The following SUCLG2 variants were observed in gnomAD, a reference collection of about 807,000 sequenced individuals.
SUCLG2 encodes the protein succinate-CoA ligase GDP-forming subunit beta.
A neutral mutation model predicts 47.9 loss-of-function variants in SUCLG2; 42 were observed. The observed-to-expected ratio is 0.88, with a 90% CI of 0.69 to 1.14. The LOEUF (loss-of-function observed/expected upper bound fraction) is 1.14. Ranked by LOEUF, SUCLG2 falls within the 50% of genes most tolerant of loss-of-function variation. SUCLG2 has a pLI of 0.00. For missense variants in SUCLG2, 571 were observed against 525.9 expected (o/e 1.09, Z -0.84); for synonymous variants, 195 against 197.3 (o/e 0.99, Z 0.10).
chr3:67,385,642 G>C (rs571013880), intron 10 of SUCLG2, among the ~76,000 whole-genome samples: 1 of 152,366 alleles, frequency 6.6e-6, no homozygotes, highest in South Asian at 2.1e-4. Flanking sequence ...CTGAAGTCTA[G>C]TGGAGCCTGT....
intron 1 of SUCLG2, among the ~76,000 whole-genome samples, chr3:67,643,805 T>C (rs1340242904): frequency 6.6e-6 from 1 of 152,212 alleles, no homozygotes; most frequent in African/African-American, 2.4e-5. Flanking sequence ...GCCTCCCAAG[T>C]AGCTGGAATT....
chr3:67,580,664 G>T (rs1293308031), intron 2 of SUCLG2, among the ~76,000 whole-genome samples: 1 of 152,036 alleles, frequency 6.6e-6, no homozygotes, highest in Non-Finnish European at 1.5e-5. Flanking sequence ...CTACTTCCAG[G>T]GTGCGAACGT....
intron 9 of SUCLG2, among the ~76,000 whole-genome samples, chr3:67,431,244 G>C (rs1369886620): frequency 3.3e-5 from 5 of 152,150 alleles, no homozygotes; most frequent in Admixed American, 6.5e-5. Flanking sequence ...ACATCAAAAA[G>C]TTTATCCACC....
intron 2 of SUCLG2, among the ~76,000 whole-genome samples, chr3:67,593,715 G>A (rs1708228114): frequency 6.6e-6 from 1 of 152,160 alleles, no homozygotes; most frequent in African/African-American, 2.4e-5. Context: ...CTCAGCTTTA[G>A]CACTGAAAGT....
rs747631027 is a variant in SUCLG2 at position 67,400,729 on chromosome 3, A to C, written c.1183+2T>G. The C allele has an allele frequency of 1.2e-6, 2 of 1,611,032 alleles. No homozygotes were observed. Among genetic ancestry groups the C allele is most frequent in the African/African-American group, 2.7e-5 (2 of 74,708 alleles). ...GCACAGCGGAAATCTACCATGACTC[A>C]CCTTCAAGCCGGACCACCAGGGGCA... On this transcript the variant is annotated splice_donor_variant, in intron 10 of 10. Coordinates refer to ENST00000307227, the MANE Select transcript of SUCLG2 (RefSeq NM_003848.4). LOFTEE classifies it high-confidence loss of function.
At chr3:67,504,350 A>G (rs1318493490) in intron 7 of SUCLG2, among the ~76,000 whole-genome samples, 1 of 152,234 alleles carries the variant, frequency 6.6e-6, no homozygotes, top group Admixed American at 6.5e-5. Flanking sequence ...CAACATGGGC[A>G]CTTGCTAACA....
At chr3:67,458,526 A>C (rs1305238156) in intron 9 of SUCLG2, among the ~76,000 whole-genome samples, 1 of 152,176 alleles carries the variant, frequency 6.6e-6, no homozygotes, top group East Asian at 1.9e-4. Flanking sequence ...TCATCTCTAA[A>C]GTAAAGAGAG....
intron 2 of SUCLG2, among the ~76,000 whole-genome samples, chr3:67,545,629 T>C (rs1706842894): frequency 6.6e-6 from 1 of 152,180 alleles, no homozygotes. Context: ...CTTTCAAGGG[T>C]TGTGAAGGCC....
intron 2 of SUCLG2, among the ~76,000 whole-genome samples, chr3:67,602,230 A>C (rs1708436084): frequency 1.3e-5 from 2 of 152,210 alleles, no homozygotes; most frequent in Admixed American, 1.3e-4. Context: ...GTAAAGGCCC[A>C]AAGCTTAAAC....
intron 3 of SUCLG2, 62 bp downstream of exon 3, chr3:67,529,025 T>C (rs1003698656): frequency 1.0e-5 from 15 of 1,455,060 alleles, no homozygotes; most frequent in African/African-American, 1.4e-5. Context: ...CCTTTCAATC[T>C]TGAGCAAGAT....
chr3:67,392,531 T>G (rs17046411), intron 10 of SUCLG2, among the ~76,000 whole-genome samples: 409 of 152,284 alleles, frequency 2.7e-3, no homozygotes, highest in African/African-American at 9.2e-3. Flanking sequence ...ATTTGGCCCT[T>G]TGGGTTTTCA....
intron 7 of SUCLG2, among the ~76,000 whole-genome samples, chr3:67,505,536 A>G (rs1032765202): frequency 1.3e-5 from 2 of 152,242 alleles, no homozygotes; most frequent in African/African-American, 4.8e-5. Context: ...ACTTAGCAGC[A>G]TAGATGTTAT....
At chr3:67,451,400 A>C (rs1198748858) in intron 9 of SUCLG2, among the ~76,000 whole-genome samples, 2 of 152,250 alleles carry the variant, frequency 1.3e-5, no homozygotes, top group Non-Finnish European at 2.9e-5. Context: ...AGTAAGTCTT[A>C]AGACAACCAA....
At chr3:67,446,933 C>T (rs7635366) in intron 9 of SUCLG2, among the ~76,000 whole-genome samples, 73,585 of 151,866 alleles carry the variant, frequency 0.48, 18,245 homozygotes, top group Non-Finnish European at 0.55. Context: ...TAATAAGATG[C>T]AAATTTTTAA....
At chr3:67,411,221 A>C (rs1702925587) in intron 9 of SUCLG2, among the ~76,000 whole-genome samples, 1 of 150,972 alleles carries the variant, frequency 6.6e-6, no homozygotes, top group South Asian at 2.1e-4. Flanking sequence ...TGTGATTAAC[A>C]TCAATTAGAA....
chr3:67,636,870 C>T (rs1235075851), intron 1 of SUCLG2, among the ~76,000 whole-genome samples: 1 of 151,114 alleles, frequency 6.6e-6, no homozygotes, highest in African/African-American at 2.4e-5. Context: ...AGGATATAAA[C>T]GTTCAGACCC....
chr3:67,589,224 C>T (rs1708097226), intron 2 of SUCLG2, among the ~76,000 whole-genome samples: 1 of 152,220 alleles, frequency 6.6e-6, no homozygotes, highest in Admixed American at 6.5e-5. Flanking sequence ...TGGTCCCACC[C>T]TTATTTTTCC....
intron 6 of SUCLG2, among the ~76,000 whole-genome samples, chr3:67,516,007 G>A (rs1705936487): frequency 6.6e-6 from 1 of 151,762 alleles, no homozygotes; most frequent in Admixed American, 6.6e-5. Flanking sequence ...CCCTCTTCCT[G>A]TATCCTCTCA....
intron 6 of SUCLG2, among the ~76,000 whole-genome samples, chr3:67,517,165 A>C (rs1705966062): frequency 6.6e-6 from 1 of 152,162 alleles, no homozygotes; most frequent in East Asian, 1.9e-4. Context: ...TTTGCTTTCA[A>C]AGTGAGCCTT....
Sources: allele counts gnomAD v4.1 joint callset (sites outside exome capture counted in the v4.1 genomes callset), GRCh38; gene constraint gnomAD v4.1.1; transcripts MANE v1.5; gene names NCBI Gene and HGNC (gene_info 2026-07-23, HGNC 2026-07-21).